Variants in YAP1 observed in about 807,000 individuals in gnomAD.
The protein encoded by YAP1 is Yes1 associated transcriptional regulator, also known as transcriptional coactivator YAP1.
Under a neutral mutation model 56.9 loss-of-function variants are expected in YAP1, and 5 were observed. That is an observed-to-expected ratio of 0.09 (90% CI 0.05 to 0.18). The LOEUF is 0.18. YAP1 is among the 10% of genes least tolerant of loss of function. The pLI is 1.00. For synonymous variants in YAP1, 265 were observed against 248.1 expected, an observed-to-expected ratio of 1.07 and a Z score of -0.64; for missense variants, 539 against 651.8, an observed-to-expected ratio of 0.83 and a Z score of 1.88.
chr11:102,212,430 T>C (rs544085474), intron 6 of YAP1, among the ~76,000 whole-genome samples: 48 of 152,322 alleles, frequency 3.2e-4, no homozygotes, highest in African/African-American at 6.0e-4. Context: ...CCAAGTGATA[T>C]TGAAATGTAA....
intron 6 of YAP1, among the ~76,000 whole-genome samples, chr11:102,222,786 C>T (rs1316066219): frequency 6.7e-6 from 1 of 149,426 alleles, no homozygotes; most frequent in Non-Finnish European, 1.5e-5. Flanking sequence ...CATTTAATAG[C>T]AAAGTGTGAA....
intron 2 of YAP1, among the ~76,000 whole-genome samples, chr11:102,141,265 CACA>C (rs1436531695): frequency 2.2e-4 from 33 of 152,158 alleles, no homozygotes; most frequent in Non-Finnish European, 4.4e-4. Flanking sequence ...AGAGATGCAG[CACA>C]ATATGAATGC....
chr11:102,154,178 T>G (rs115820560), intron 2 of YAP1, among the ~76,000 whole-genome samples: 1 of 152,308 alleles, frequency 6.6e-6, no homozygotes, highest in African/African-American at 2.4e-5. Context: ...ACTGACAGGA[T>G]CACATTTCAA....
chr11:102,204,033 G>T (rs1256682107), intron 4 of YAP1, among the ~76,000 whole-genome samples: 1 of 151,954 alleles, frequency 6.6e-6, no homozygotes, highest in Non-Finnish European at 1.5e-5. Flanking sequence ...TCTGAGGGAG[G>T]TTGGTCTGTA....
Position 102,230,087 on chromosome 11 carries a change from C to G in YAP1, c.*147C>G, listed in dbSNP as rs1950384186. On this transcript the variant is annotated 3_prime_UTR_variant, in exon 9 of 9. Coordinates refer to ENST00000282441, the MANE Select transcript of YAP1 (RefSeq NM_001130145.3). ...CAAGATACTTTAATCCTCTATTTTG[C>G]TCTTCCTTGTCCATTGCTGCTGTTA... 1.4e-6 allele frequency: 1 copy of G among 698,924 alleles called. No individual in the cohort carries two copies. Among genetic ancestry groups the G allele is most frequent in the Non-Finnish European group, 2.4e-6 (1 of 411,844 alleles). 43.3% of individuals were successfully genotyped at this position (698,924 alleles called of 1,614,324 possible).
chr11:102,175,364 C>T (rs1398243869), intron 3 of YAP1, among the ~76,000 whole-genome samples: 2 of 152,142 alleles, frequency 1.3e-5, no homozygotes, highest in African/African-American at 4.8e-5. Flanking sequence ...CGCGCCACTG[C>T]ACTCCAGCCT....
chr11:102,221,575 T>A (rs1341219626), intron 6 of YAP1, among the ~76,000 whole-genome samples: 2 of 151,744 alleles, frequency 1.3e-5, no homozygotes, highest in Non-Finnish European at 1.5e-5. Context: ...TACAAAAAAT[T>A]AGCTGGGTAT....
chr11:102,143,192 T>C (rs550564121), intron 2 of YAP1, among the ~76,000 whole-genome samples: 1 of 152,206 alleles, frequency 6.6e-6, no homozygotes, highest in African/African-American at 2.4e-5. Flanking sequence ...AAGAGAAATA[T>C]AGACTATATT....
intron 2 of YAP1, among the ~76,000 whole-genome samples, chr11:102,154,606 T>C (rs564977882): frequency 6.6e-6 from 1 of 152,264 alleles, no homozygotes; most frequent in African/African-American, 2.4e-5. Context: ...TTGGCCATGA[T>C]TGAAAGAATC....
Position 102,195,180 on chromosome 11 carries a change from C to T in YAP1, c.802+9049C>T, listed in dbSNP as rs557791577. 4.7e-4 allele frequency among the ~76,000 whole-genome samples: 71 copies of T among 152,202 alleles called. 1 individual carries two copies. The highest frequency in any genetic ancestry group is 5.1e-4 in the Non-Finnish European group (35 of 68,040). On this transcript the variant is annotated intron_variant, in intron 4 of 8. Transcript: ENST00000282441. ...AAAGAGAGCTGAAAGCTAATTAGAA[C>T]ACGTTCTCCCTTTTCTGCCTCACCT...
chr11:102,199,091 C>CA (rs1456869511), intron 4 of YAP1, among the ~76,000 whole-genome samples: 3 of 152,082 alleles, frequency 2.0e-5, no homozygotes, highest in Non-Finnish European at 4.4e-5. Flanking sequence ...CTGTAGGAGT[C>CA]AGAGTCTTTA....
chr11:102,114,761 G>A (rs1178784181), intron 2 of YAP1, among the ~76,000 whole-genome samples: 1 of 152,134 alleles, frequency 6.6e-6, no homozygotes, highest in African/African-American at 2.4e-5. Flanking sequence ...GGCTAGCAGC[G>A]TCTTACAAAA....
intron 5 of YAP1, among the ~76,000 whole-genome samples, chr11:102,207,015 A>AAC (rs1555020663): frequency 6.6e-6 from 1 of 152,136 alleles, no homozygotes; most frequent in Non-Finnish European, 1.5e-5. Flanking sequence ...TTATGTTCCT[A>AAC]ATATATATAA....
intron 6 of YAP1, among the ~76,000 whole-genome samples, chr11:102,221,640 T>A (rs1224333455): frequency 6.6e-6 from 1 of 151,930 alleles, no homozygotes; most frequent in Non-Finnish European, 1.5e-5. Flanking sequence ...GGAGGATCAC[T>A]TGAGCCTAGA....
chr11:102,141,187 C>T (rs574078882), intron 2 of YAP1, among the ~76,000 whole-genome samples: 1 of 152,316 alleles, frequency 6.6e-6, no homozygotes, highest in Admixed American at 6.5e-5. Flanking sequence ...TGGCCTTTCA[C>T]AACTACACTG....
chr11:102,137,157 A>T (rs752143491), intron 2 of YAP1, among the ~76,000 whole-genome samples: 3 of 152,218 alleles, frequency 2.0e-5, no homozygotes, highest in Non-Finnish European at 4.4e-5. Context: ...TGGAACTAAC[A>T]AGATCTGGGT....
intron 2 of YAP1, among the ~76,000 whole-genome samples, chr11:102,160,018 ATTTTTTTTTT>A (rs34332940): frequency 9.2e-6 from 1 of 109,006 alleles, no homozygotes; most frequent in Non-Finnish European, 1.8e-5. Flanking sequence ...TACATAAAGG[ATTTTTTTTTT>A]TTTTTTTTTT....
chr11:102,218,522 G>A (rs762099635), intron 6 of YAP1, among the ~76,000 whole-genome samples: 5 of 152,176 alleles, frequency 3.3e-5, no homozygotes, highest in African/African-American at 7.2e-5. Flanking sequence ...TTGCCTTACG[G>A]ATATGAAAGG....
At chr11:102,118,068 T>TA (rs1290739898) in intron 2 of YAP1, among the ~76,000 whole-genome samples, 3 of 152,224 alleles carry the variant, frequency 2.0e-5, no homozygotes, top group Non-Finnish European at 4.4e-5. Context: ...TTATAACTAT[T>TA]ACCATGTTCA....
Sources: allele counts gnomAD v4.1 joint callset (sites outside exome capture counted in the v4.1 genomes callset), GRCh38; gene constraint gnomAD v4.1.1; transcripts MANE v1.5; gene names NCBI Gene and HGNC (gene_info 2026-07-23, HGNC 2026-07-21).